The following CSNK2A2IP variants were observed in gnomAD, a reference collection of about 807,000 sequenced individuals.
The protein encoded by CSNK2A2IP is casein kinase II subunit alpha'-interacting protein.
chr3:88,426,550 C>A, the CSNK2A2IP span, among the ~76,000 whole-genome samples: 1 of 152,164 alleles, frequency 6.6e-6, no homozygotes, highest in African/African-American at 2.4e-5. Context: ...TTCCCATAAT[C>A]CCCACATGTT....
At chr3:88,372,978 A>T in the CSNK2A2IP span, among the ~76,000 whole-genome samples, 1 of 151,516 alleles carries the variant, frequency 6.6e-6, no homozygotes, top group Non-Finnish European at 1.5e-5. Context: ...CCTGCAAAAT[A>T]CTTGAAGAAA....
the CSNK2A2IP span, among the ~76,000 whole-genome samples, chr3:88,453,995 T>C: frequency 1.3e-5 from 2 of 152,168 alleles, no homozygotes; most frequent in South Asian, 4.1e-4. Context: ...TATTTAACTT[T>C]TAAAGAAAGG....
the CSNK2A2IP span, chr3:88,465,812 T>C: frequency 8.1e-7 from 1 of 1,231,478 alleles, no homozygotes; most frequent in East Asian, 3.2e-5. Context: ...AGTTTACAAT[T>C]ACCCTTCTGT....
At chr3:88,467,536 CTG>C in the CSNK2A2IP span, 7 of 398,406 alleles carry the variant, frequency 1.8e-5, no homozygotes, top group East Asian at 2.5e-4. Flanking sequence ...AGCAAACACA[CTG>C]TTCAAATTTT....
the CSNK2A2IP span, among the ~76,000 whole-genome samples, chr3:88,436,731 T>C: frequency 2.6e-3 from 403 of 152,232 alleles, 2 homozygotes; most frequent in African/African-American, 9.3e-3. Flanking sequence ...ATGATCCTGA[T>C]AGTATATAAA....
At chr3:88,444,715 G>C in the CSNK2A2IP span, among the ~76,000 whole-genome samples, 3 of 152,180 alleles carry the variant, frequency 2.0e-5, no homozygotes, top group African/African-American at 7.2e-5. Flanking sequence ...GTTCTGCTAA[G>C]TGGAAAACAT....
the CSNK2A2IP span, among the ~76,000 whole-genome samples, chr3:88,404,891 T>C: frequency 3.9e-3 from 600 of 152,282 alleles, no homozygotes; most frequent in Non-Finnish European, 5.3e-3. Flanking sequence ...AATCCAGTTT[T>C]AGCAAGAACC....
the CSNK2A2IP span, among the ~76,000 whole-genome samples, chr3:88,458,852 C>T: frequency 2.0e-5 from 3 of 152,082 alleles, no homozygotes; most frequent in African/African-American, 2.4e-5. Flanking sequence ...AAATCTGAGA[C>T]CATACTGCGC....
chr3:88,446,021 CTTT>C, the CSNK2A2IP span, among the ~76,000 whole-genome samples: 1 of 85,522 alleles, frequency 1.2e-5, no homozygotes, highest in Non-Finnish European at 2.8e-5. Context: ...TCTTTTCTTT[CTTT>C]GTTTCTTTTC....
chr3:88,442,581 C>A, the CSNK2A2IP span, among the ~76,000 whole-genome samples: 3 of 151,554 alleles, frequency 2.0e-5, no homozygotes, highest in Non-Finnish European at 4.4e-5. Flanking sequence ...AACATTATAC[C>A]AAACACTTTA....
the CSNK2A2IP span, among the ~76,000 whole-genome samples, chr3:88,464,669 G>A: frequency 0.01 from 1,547 of 152,084 alleles, 29 homozygotes; most frequent in African/African-American, 0.035. Context: ...AATCTGAACT[G>A]AAAAGAAACA....
chr3:88,350,858 A>G, the CSNK2A2IP span, among the ~76,000 whole-genome samples: 2 of 152,268 alleles, frequency 1.3e-5, no homozygotes, highest in African/African-American at 4.8e-5. Context: ...CTATGCTCCC[A>G]TGATCTGTTG....
At chr3:88,434,051 A>G in the CSNK2A2IP span, among the ~76,000 whole-genome samples, 1 of 152,214 alleles carries the variant, frequency 6.6e-6, no homozygotes, top group East Asian at 1.9e-4. Context: ...AAAATATCTC[A>G]ACAGGAACAA....
At chr3:88,359,919 A>T in the CSNK2A2IP span, among the ~76,000 whole-genome samples, 4 of 151,814 alleles carry the variant, frequency 2.6e-5, no homozygotes, top group Middle Eastern at 3.4e-3. Context: ...TTCTTTGTTG[A>T]TTTTCTGTCT....
At chr3:88,427,703 C>T in the CSNK2A2IP span, among the ~76,000 whole-genome samples, 2 of 152,088 alleles carry the variant, frequency 1.3e-5, no homozygotes, top group Non-Finnish European at 2.9e-5. Context: ...TGGTATTGGG[C>T]CTGTGGGTGC....
chr3:88,380,637 A>G, the CSNK2A2IP span, among the ~76,000 whole-genome samples: 2 of 152,112 alleles, frequency 1.3e-5, no homozygotes, highest in Non-Finnish European at 2.9e-5. Flanking sequence ...TTAAGGCTAT[A>G]GAATTATACT....
chr3:88,424,038 C>T, the CSNK2A2IP span, among the ~76,000 whole-genome samples: 3 of 152,122 alleles, frequency 2.0e-5, no homozygotes, highest in East Asian at 1.9e-4. Context: ...TATTTCAACT[C>T]GGATATACTT....
the CSNK2A2IP span, among the ~76,000 whole-genome samples, chr3:88,375,681 A>G: frequency 2.0e-5 from 3 of 151,836 alleles, no homozygotes; most frequent in African/African-American, 7.2e-5. Flanking sequence ...GGAGCCTACT[A>G]GTATTTTAGA....
chr3:88,448,066 G>A, the CSNK2A2IP span, among the ~76,000 whole-genome samples: 2,100 of 152,134 alleles, frequency 0.014, 42 homozygotes, highest in African/African-American at 0.048. Context: ...CCGCATTTCC[G>A]GTACTTACCA....
Sources: allele counts gnomAD v4.1 joint callset (sites outside exome capture counted in the v4.1 genomes callset), GRCh38; gene constraint gnomAD v4.1.1; transcripts MANE v1.5; gene names NCBI Gene and HGNC (gene_info 2026-07-23, HGNC 2026-07-21).